TMTC2: variants seen among roughly 807,000 people sequenced by gnomAD.
TMTC2 encodes the protein transmembrane O-mannosyltransferase targeting cadherins 2, also known as protein O-mannosyl-transferase TMTC2.
A neutral mutation model predicts 82.4 loss-of-function variants in TMTC2; 43 were observed. That is an observed-to-expected ratio of 0.52 (90% CI 0.41 to 0.67). The LOEUF is 0.67. Ranked by LOEUF, TMTC2 falls within the 30% of genes least tolerant of loss-of-function variation. TMTC2 has a pLI of 0.00. For synonymous variants in TMTC2, 408 were observed against 381.9 expected, an observed-to-expected ratio of 1.07 and a Z score of -0.80; for missense variants, 919 against 1,012.4, an observed-to-expected ratio of 0.91 and a Z score of 1.25.
intron 1 of TMTC2, among the ~76,000 whole-genome samples, chr12:82,699,951 T>C (rs1417922105): frequency 7.2e-5 from 11 of 152,206 alleles, no homozygotes; most frequent in Admixed American, 1.3e-4. Context: ...ATTTTCTAAA[T>C]ATAGGATGAC....
intron 1 of TMTC2, among the ~76,000 whole-genome samples, chr12:82,692,851 G>T (rs896794621): frequency 2.0e-5 from 3 of 152,156 alleles, no homozygotes; most frequent in African/African-American, 7.2e-5. Context: ...CAGCAGGACT[G>T]CATACCTTCT....
intron 11 of TMTC2, among the ~76,000 whole-genome samples, chr12:83,100,004 C>T (rs1884161895): frequency 6.6e-6 from 1 of 151,842 alleles, no homozygotes; most frequent in Non-Finnish European, 1.5e-5. Flanking sequence ...ACTGCAACCT[C>T]CACCTCCCAG....
At chr12:82,713,152 T>C (rs1246990382) in intron 1 of TMTC2, among the ~76,000 whole-genome samples, 2 of 152,028 alleles carry the variant, frequency 1.3e-5, no homozygotes, top group East Asian at 3.9e-4. Context: ...AAACCCCGTC[T>C]CTACTAGAAA....
At chr12:82,975,737 C>G (rs1487391558) in intron 7 of TMTC2, among the ~76,000 whole-genome samples, 1 of 24,942 alleles carries the variant, frequency 4.0e-5, no homozygotes, top group African/African-American at 8.9e-5. Context: ...GAAAAGGCTT[C>G]CATTACACTC....
intron 3 of TMTC2, among the ~76,000 whole-genome samples, chr12:82,907,783 G>A (rs1874403886): frequency 6.6e-6 from 1 of 152,086 alleles, no homozygotes; most frequent in Non-Finnish European, 1.5e-5. Flanking sequence ...TAAGCATGAA[G>A]GTAAATTTTT....
chr12:82,817,702 G>GA (rs1263549645), intron 1 of TMTC2, among the ~76,000 whole-genome samples: 2 of 152,150 alleles, frequency 1.3e-5, no homozygotes, highest in African/African-American at 4.8e-5. Context: ...CATAAAAGAT[G>GA]AAACTGGCAC....
At chr12:82,942,993 G>A (rs1876807161) in intron 4 of TMTC2, among the ~76,000 whole-genome samples, 2 of 152,186 alleles carry the variant, frequency 1.3e-5, no homozygotes, top group African/African-American at 2.4e-5. Context: ...GTTGCTGCAA[G>A]TGGTCTTAGG....
At chr12:82,840,896 T>C (rs7137977) in intron 1 of TMTC2, among the ~76,000 whole-genome samples, 27,980 of 152,032 alleles carry the variant, frequency 0.18, 5,378 homozygotes, top group African/African-American at 0.49. Flanking sequence ...TCTCCTGCCT[T>C]ATCCTCCTGA....
chr12:82,841,312 G>C (rs1870321565), intron 1 of TMTC2, among the ~76,000 whole-genome samples: 1 of 152,166 alleles, frequency 6.6e-6, no homozygotes, highest in Non-Finnish European at 1.5e-5. Flanking sequence ...ATAAAGATTA[G>C]AAAGTACTAC....
Position 82,896,282 on chromosome 12 carries a change from A to C in TMTC2, c.1119A>C (p.Val373=). The C allele has an allele frequency of 6.2e-7, 1 of 1,614,176 alleles. No individual in the cohort carries two copies. Among genetic ancestry groups the C allele is most frequent in the Non-Finnish European group, 8.5e-7 (1 of 1,180,032 alleles). Residue 373 remains valine (V), a synonymous_variant, in exon 3 of 12, where the codon GTA becomes GTC. Transcript: ENST00000321196. The stretch of plus-strand genomic sequence containing the variant: ...CTAAGTCCAGCTTTGCATCCAAAGT[A>C]GAAAATGGCATTAAAAACGATGTAT... The part of the protein sequence containing the change: ...SETKSSFASK[V]ENGIKNDVSQ...
At position 83,020,894 on chromosome 12, in the gene TMTC2, A is replaced by C. The variant is rs570438305; in HGVS notation, c.2071-9904A>C. Among the ~76,000 whole-genome samples the C allele has an allele frequency of 1.4e-4, 22 of 152,300 alleles. No individual in the cohort carries two copies. The East Asian group carries it at 2.1e-3, about 15-fold the overall frequency. On this transcript the variant is annotated intron_variant, in intron 8 of 11. Coordinates refer to ENST00000321196, the MANE Select transcript of TMTC2 (RefSeq NM_152588.3). ...TATGTAATATTCATAGAAGTCAACC[A>C]TGTTGTGTTTATACCTTAAAATCTA...
chr12:82,997,450 AATATTTT>A, intron 8 of TMTC2, among the ~76,000 whole-genome samples: 1 of 133,288 alleles, frequency 7.5e-6, no homozygotes, highest in Admixed American at 8.4e-5. Flanking sequence ...AGAGAACTAT[AATATTTT>A]TATATATAGT....
Position 83,108,587 on chromosome 12 carries a change from G to A in TMTC2, c.2332-23623G>A, listed in dbSNP as rs538586097. 1.3e-3 allele frequency among the ~76,000 whole-genome samples: 190 copies of A among 151,142 alleles called. 2 individuals carry two copies. The highest frequency in any genetic ancestry group is 1.6e-3 in the Admixed American group (25 of 15,160). Reference sequence around the variant, plus strand: ...GGAGGTTGCAGTAAGCCAAGATCGCGCGACTGCACTCCAGCCTGGGTGACA... The same window carrying A: ...GGAGGTTGCAGTAAGCCAAGATCGCACGACTGCACTCCAGCCTGGGTGACA... On this transcript the variant is annotated intron_variant, in intron 11 of 11. Transcript: ENST00000321196.
At chr12:83,057,435 TA>T (rs1424999140) in intron 10 of TMTC2, among the ~76,000 whole-genome samples, 1 of 151,990 alleles carries the variant, frequency 6.6e-6, no homozygotes, top group Non-Finnish European at 1.5e-5. Flanking sequence ...TTAATGGTCA[TA>T]AACAATTTAT....
At chr12:83,032,494 T>G (rs1020183910) in intron 9 of TMTC2, among the ~76,000 whole-genome samples, 151 of 151,620 alleles carry the variant, frequency 1.0e-3, no homozygotes, top group African/African-American at 3.5e-3. Context: ...TAGCGGGTAT[T>G]TCTCCCATGA....
In TMTC2 at chr12:83,132,190, CCTT is replaced by C; in HGVS notation, c.2332-16_2332-14del. ...CTTGAAATGGCCTCCTAATTGTTTTCCTTCTTTCTCTTGTTGCAGTATCCGGCT... is the reference window on the plus strand; with the variant it reads ...CTTGAAATGGCCTCCTAATTGTTTTCCTTTCTCTTGTTGCAGTATCCGGCT... On this transcript the variant is annotated splice_polypyrimidine_tract_variant and intron_variant, in intron 11 of 11. Coordinates refer to ENST00000321196, the MANE Select transcript of TMTC2 (RefSeq NM_152588.3). 6.3e-7 allele frequency: 1 copy of C among 1,575,784 alleles called. No individual in the cohort carries two copies.
intron 1 of TMTC2, among the ~76,000 whole-genome samples, chr12:82,688,428 TG>T (rs1192682623): frequency 5.9e-5 from 9 of 152,312 alleles, no homozygotes; most frequent in African/African-American, 1.9e-4. Context: ...TAATGAGACC[TG>T]AACTGTGTTG....
At chr12:82,820,352 ATTTC>A (rs919219135) in intron 1 of TMTC2, among the ~76,000 whole-genome samples, 3 of 151,584 alleles carry the variant, frequency 2.0e-5, no homozygotes, top group Non-Finnish European at 2.9e-5. Context: ...AGGGAACTAT[ATTTC>A]TTTCCTTCTT....
chr12:82,880,502 G>A (rs953940568), intron 2 of TMTC2, among the ~76,000 whole-genome samples: 1 of 152,188 alleles, frequency 6.6e-6, no homozygotes, highest in South Asian at 2.1e-4. Context: ...GCATTTGAAC[G>A]AGGGCATGTT....
Sources: gnomAD v4.1 joint callset for allele counts (sites outside exome capture counted in the v4.1 genomes callset) on GRCh38, gnomAD v4.1.1 for gene constraint, MANE v1.5 for transcripts, NCBI Gene and HGNC (gene_info 2026-07-23, HGNC 2026-07-21) for gene names.